The following ELFN2 variants were observed in gnomAD, a reference collection of about 807,000 sequenced individuals.
ELFN2 encodes the protein extracellular leucine rich repeat and fibronectin type III domain containing 2.
Under a neutral mutation model 45.5 loss-of-function variants are expected in ELFN2, and 17 were observed. The observed-to-expected ratio is 0.37, with a 90% CI of 0.26 to 0.56. The LOEUF is 0.56. Among genes scored for constraint, ELFN2 ranks in the 20% least tolerant of loss-of-function variants. The probability of loss-of-function intolerance (pLI) is 0.77; values close to 1 mark genes in which losing one functional copy is unlikely to be tolerated. For missense variants in ELFN2, 922 were observed against 1,183.2 expected (o/e 0.78, Z 3.24); for synonymous variants, 550 against 551.5 (o/e 1.00, Z 0.04).
Position 37,373,494 on chromosome 22 carries a change from G to A in ELFN2, c.2041C>T (p.Pro681Ser). The A allele has an allele frequency of 1.9e-6, 3 of 1,549,458 alleles. No individual in the cohort carries two copies. In the African/African-American group the frequency reaches 4.1e-5, roughly 21 times the overall value. Residue 681 changes from proline (P) to serine (S), a missense_variant, in exon 3 of 3, where the codon CCG becomes TCG. By Grantham distance (74) the Pro-to-Ser change is moderately conservative (BLOSUM62 -1). Around this residue, in one of 2 missense-constraint regions of ELFN2, gnomAD observed 564 missense variants for 642.8 expected, o/e 0.88. Transcript: ENST00000402918. The part of the protein sequence containing the change: ...NSPLDRLPLV[P>S]AGSGGGSGGG... ...CCGCTGCCCCCGCCGCTGCCCGCCG[G>A]CACCAGCGGGAGCCGGTCCAGCGGG...
chr22:37,349,072 G>A (rs780314031), intron 1 of ELFN2, among the ~76,000 whole-genome samples: 7 of 151,266 alleles, frequency 4.6e-5, no homozygotes, highest in African/African-American at 7.2e-5. Context: ...TGCATGCCAC[G>A]CGCTAGCCTG....
chr22:37,355,644 T>G (rs1409084453), intron 1 of ELFN2, among the ~76,000 whole-genome samples: 4 of 152,196 alleles, frequency 2.6e-5, no homozygotes, highest in Non-Finnish European at 5.9e-5. Flanking sequence ...AGCAGACATC[T>G]TCTACACTCA....
At chr22:37,349,839 G>A (rs986788040) in intron 1 of ELFN2, among the ~76,000 whole-genome samples, 7 of 151,180 alleles carry the variant, frequency 4.6e-5, no homozygotes, top group African/African-American at 1.7e-4. Context: ...ACTTGTGTCA[G>A]AGAGAGCAAC....
At position 37,372,247 on chromosome 22, in the gene ELFN2, C is replaced by T. The variant is rs1474858937; in HGVS notation, c.*825G>A. 2.0e-5 allele frequency: 3 copies of T among 152,672 alleles called. No individual in the cohort carries two copies. Among genetic ancestry groups the T allele is most frequent in the African/African-American group, 7.2e-5 (3 of 41,466 alleles). The allele number at this position is 152,672 out of a possible 1,614,324, so 9.5% of individuals were successfully genotyped here. On this transcript the variant is annotated 3_prime_UTR_variant, in exon 3 of 3. Transcript: ENST00000402918. The surrounding 1 kb of genome is among the most constrained non-coding windows in gnomAD (Gnocchi z 4.4). ...GCTCCTTTCCCGTCAACAGGACCCT[C>T]TCCCTTCTCCCGGGTGCCGGCATAG...
intron 1 of ELFN2, chr22:37,426,986 G>C (rs1932856791): frequency 6.6e-6 from 1 of 152,232 alleles, no homozygotes; most frequent in Non-Finnish European, 1.5e-5. Context: ...CTGGCACACC[G>C]TCCACCATCG....
chr22:37,344,754 TC>T (rs2145608033), intron 1 of ELFN2, among the ~76,000 whole-genome samples: 1 of 152,056 alleles, frequency 6.6e-6, no homozygotes, highest in African/African-American at 2.4e-5. Context: ...CTCTGCAAAC[TC>T]CTTCTCCTGT....
At chr22:37,378,096 AG>A (rs1931633451) in intron 2 of ELFN2, among the ~76,000 whole-genome samples, 1 of 152,242 alleles carries the variant, frequency 6.6e-6, no homozygotes, top group African/African-American at 2.4e-5. Context: ...GTGCACACAC[AG>A]GTGGCTCAGA....
In ELFN2 at chr22:37,350,245, G is replaced by A. The variant is rs2145612593; in HGVS notation, n.149-7542C>T. ...CTACAGTTTGTCTAGAAGGGGCCAG[G>A]TAGCAGCATAAATGGCAAGAACGGG... On this transcript the variant is annotated intron_variant and non_coding_transcript_variant, in intron 1 of 2. Transcript: ENST00000452946. Among the ~76,000 whole-genome samples the A allele has an allele frequency of 2.1e-5, 3 of 145,868 alleles. No homozygotes were observed. The Middle Eastern group carries it at 0.011, about 517-fold the overall frequency.
intron 2 of ELFN2, among the ~76,000 whole-genome samples, chr22:37,400,101 C>T (rs1016133095): frequency 2.0e-5 from 3 of 152,126 alleles, no homozygotes; most frequent in African/African-American, 7.2e-5. Context: ...CCTAGGAAAC[C>T]GGGAGGGGCA....
chr22:37,420,520 C>G (rs914108983), intron 1 of ELFN2: 1 of 153,024 alleles, frequency 6.5e-6, no homozygotes, highest in African/African-American at 2.4e-5. Flanking sequence ...AGCGCCCTCG[C>G]TCCACAGGAA....
intron 1 of ELFN2, among the ~76,000 whole-genome samples, chr22:37,421,715 C>T (rs969538631): frequency 6.6e-6 from 1 of 152,172 alleles, no homozygotes; most frequent in Non-Finnish European, 1.5e-5. Context: ...TGCAGCGATC[C>T]GTCCTCGGTA....
At chr22:37,416,363 G>C (rs1313196377) in intron 2 of ELFN2, among the ~76,000 whole-genome samples, 3 of 152,180 alleles carry the variant, frequency 2.0e-5, no homozygotes, top group Non-Finnish European at 4.4e-5. Flanking sequence ...GTGACCTTGG[G>C]CAAGTCACTT....
chr22:37,372,994 C>A lies in ELFN2; in HGVS notation c.*78G>T. The A allele has an allele frequency of 6.7e-7, 1 of 1,487,930 alleles. No individual in the cohort carries two copies. The highest frequency in any genetic ancestry group is 8.9e-7 in the Non-Finnish European group (1 of 1,120,040). The allele number at this position is 1,487,930 out of a possible 1,614,324, so 92.2% of individuals were successfully genotyped here. On this transcript the variant is annotated 3_prime_UTR_variant, in exon 3 of 3. Transcript: ENST00000402918. The surrounding 1 kb of genome is among the most constrained non-coding windows in gnomAD (Gnocchi z 4.4). The stretch of plus-strand genomic sequence containing the variant: ...GGCCTTGGCCCCCGAGTCTGCTCCC[C>A]GCCCTGGCCGCCTGGACCCTTCCCC...
Position 37,375,836 on chromosome 22 carries a change from CCCTCCTCCTCCTCCTCCT to C in ELFN2, c.-320_-303del, listed in dbSNP as rs142158248. 2.6e-5 allele frequency: 9 copies of C among 345,776 alleles called. No individual in the cohort carries two copies. The South Asian group carries it at 5.6e-4, about 22-fold the overall frequency. The allele number at this position is 345,776 out of a possible 1,614,324, so 21.4% of individuals were successfully genotyped here. A position where few individuals can be genotyped will look rare whatever the true frequency, so the allele number is the denominator to read the frequency against. On this transcript the variant is annotated 5_prime_UTR_variant, in exon 3 of 3. Coordinates refer to ENST00000402918, the MANE Select transcript of ELFN2 (RefSeq NM_052906.5). ...GGGTTCTCAGGGCTTGACTTCCTCT[CCCTCCTCCTCCTCCTCCT>C]CCTCCTCCTCCTCCTCGTCTTCCTC...
intron 2 of ELFN2, among the ~76,000 whole-genome samples, chr22:37,383,139 T>G (rs923590236): frequency 6.6e-6 from 1 of 152,188 alleles, no homozygotes; most frequent in Non-Finnish European, 1.5e-5. Context: ...AAGGTCCCTC[T>G]TACAACGTGT....
chr22:37,390,520 G>A (rs1156448351), intron 2 of ELFN2, among the ~76,000 whole-genome samples: 1 of 152,212 alleles, frequency 6.6e-6, no homozygotes, highest in African/African-American at 2.4e-5. Context: ...TGAAGGGAAG[G>A]GTGAGAAGCC....
At chr22:37,422,950 G>GC (rs992307448) in intron 1 of ELFN2, among the ~76,000 whole-genome samples, 5 of 149,264 alleles carry the variant, frequency 3.3e-5, no homozygotes, top group Non-Finnish European at 6.0e-5. Flanking sequence ...CCTCGGGGGG[G>GC]GGGGGGGAAG....
chr22:37,427,256 GTCGGTCGGTCGCGGCGC>G (rs1932859746), intron 1 of ELFN2, 25 bp downstream of exon 1: 2 of 21,368 alleles, frequency 9.4e-5, no homozygotes, highest in African/African-American at 1.6e-3. Context: ...CGTCTCCCCG[GTCGGTCGGTCGCGGCGC>G]TCGGATCCAG....
Position 37,373,243 on chromosome 22 carries a change from C to G in ELFN2, c.2292G>C (p.Glu764Asp). ...AGCGCTCCCAGATCTTGTGCGTGCT[C>G]TCGGATGAGTACTCGGGGCTGGAGG... ...GYSSSPEYSS[E>D]STHKIWERFR... Residue 764 changes from glutamate to aspartate, a missense_variant, in exon 3 of 3, where the codon GAG (glutamate) becomes GAC (aspartate). By Grantham distance (45) the Glu-to-Asp change is conservative. Around this residue, in one of 2 missense-constraint regions of ELFN2, gnomAD observed 564 missense variants for 642.8 expected, o/e 0.88. Transcript: ENST00000402918. 6.2e-7 allele frequency: 1 copy of G among 1,613,890 alleles called. No individual in the cohort carries two copies. The highest frequency in any genetic ancestry group is 8.5e-7 in the Non-Finnish European group (1 of 1,180,006).
Sources: allele counts gnomAD v4.1 joint callset (sites outside exome capture counted in the v4.1 genomes callset), GRCh38; gene constraint gnomAD v4.1.1; regional missense constraint gnomAD v4.1.1; non-coding constraint Gnocchi (gnomAD v3.1); transcripts MANE v1.5; gene names NCBI Gene and HGNC (gene_info 2026-07-23, HGNC 2026-07-21).